The following ANXA4 variants were observed in gnomAD, a reference collection of about 807,000 sequenced individuals.
The protein encoded by ANXA4 is 35-beta calcimedin.
In ANXA4, 39 loss-of-function variants were observed where a neutral mutation model predicts 49.8. That is an observed-to-expected ratio of 0.78 (90% CI 0.61 to 1.02). The LOEUF (loss-of-function observed/expected upper bound fraction) is 1.02, where lower values mean the gene tolerates loss of function less well. Ranked by LOEUF, ANXA4 falls within the 50% of genes least tolerant of loss-of-function variation. ANXA4 has a pLI of 0.00. For missense variants in ANXA4, 360 were observed against 410.1 expected, an observed-to-expected ratio of 0.88 and a Z score of 1.05; for synonymous variants, 134 against 152.5, an observed-to-expected ratio of 0.88 and a Z score of 0.89.
chr2:69,651,171 T>G (rs1453954743), intron 1 of ANXA4, among the ~76,000 whole-genome samples: 1 of 152,176 alleles, frequency 6.6e-6, no homozygotes, highest in Non-Finnish European at 1.5e-5. Context: ...TACCATGTAC[T>G]AAACAATATG....
chr2:69,701,559 T>C (rs1052657355), intron 2 of ANXA4, among the ~76,000 whole-genome samples: 10 of 152,248 alleles, frequency 6.6e-5, no homozygotes, highest in Non-Finnish European at 1.5e-4. Context: ...TAAGGCTGAA[T>C]AGTATTATAT....
rs1262957412 is a variant in ANXA4 at position 69,660,923 on chromosome 2, G to C, written n.766+7641G>C. 2.0e-5 allele frequency among the ~76,000 whole-genome samples: 3 copies of C among 152,194 alleles called. No homozygotes were observed. The East Asian group carries it at 5.8e-4, about 29-fold the overall frequency. On this transcript the variant is annotated intron_variant and non_coding_transcript_variant, in intron 2 of 3. Transcript: ENST00000418066. ...CTGAGAATGTCCAGGACTGAAAAAA[G>C]ATGTAACTCTTCAGATTCCAGAAGC...
chr2:69,717,949 A>C (rs1162677091), intron 2 of ANXA4, among the ~76,000 whole-genome samples: 1 of 152,332 alleles, frequency 6.6e-6, no homozygotes, highest in African/African-American at 2.4e-5. Context: ...TAAAAGGAAT[A>C]GTTTTAATGG....
intron 12 of ANXA4, among the ~76,000 whole-genome samples, chr2:69,823,973 G>A (rs1373944890): frequency 6.6e-6 from 1 of 152,074 alleles, no homozygotes; most frequent in Non-Finnish European, 1.5e-5. Flanking sequence ...CAGCATTCTG[G>A]GAAGCTGAGG....
In ANXA4 at chr2:69,819,279, G is replaced by A; in HGVS notation, c.725-1G>A. The A allele has an allele frequency of 6.3e-7, 1 of 1,596,134 alleles. No homozygotes were observed. The highest frequency in any genetic ancestry group is 8.5e-7 in the Non-Finnish European group (1 of 1,170,106). ...ATTTCTTCTTTTTTTTTCTTTGACA[G>A]TAAAGTGCATGAGGAACAAATCTGC... On this transcript the variant is annotated splice_acceptor_variant, in intron 10 of 12. Transcript: ENST00000394295. LOFTEE classifies it high-confidence loss of function.
chr2:69,771,006 A>G (rs1671689237), intron 1 of ANXA4, among the ~76,000 whole-genome samples: 1 of 147,484 alleles, frequency 6.8e-6, no homozygotes, highest in Non-Finnish European at 1.5e-5. Context: ...AGGCGGCAGG[A>G]TCTCTTGAGC....
intron 2 of ANXA4, among the ~76,000 whole-genome samples, chr2:69,691,988 C>T (rs542324900): frequency 2.0e-5 from 3 of 152,266 alleles, no homozygotes; most frequent in African/African-American, 7.2e-5. Flanking sequence ...CGGGTTCAAA[C>T]GATTCTCCCG....
intron 7 of ANXA4, 40 bp from the exon 8 acceptor site, chr2:69,812,613 T>C: frequency 6.4e-7 from 1 of 1,565,482 alleles, no homozygotes; most frequent in Non-Finnish European, 8.8e-7. Flanking sequence ...TCTTCATGTA[T>C]ACTCTCGAAT....
At chr2:69,676,405 C>G (rs1677415877) in intron 2 of ANXA4, among the ~76,000 whole-genome samples, 1 of 152,074 alleles carries the variant, frequency 6.6e-6, no homozygotes, top group Admixed American at 6.5e-5. Flanking sequence ...AAAACCTAGG[C>G]AATGTCTACT....
chr2:69,730,700 A>G (rs779795501), intron 3 of ANXA4, among the ~76,000 whole-genome samples: 1 of 152,228 alleles, frequency 6.6e-6, no homozygotes, highest in African/African-American at 2.4e-5. Context: ...TCATGCTGCC[A>G]GCTGCACTGT....
chr2:69,803,265 C>T (rs1673297610), intron 3 of ANXA4: 1 of 151,998 alleles, frequency 6.6e-6, no homozygotes, highest in Non-Finnish European at 1.5e-5. Context: ...GCTTCCTCTC[C>T]ACACCTCACA....
intron 2 of ANXA4, among the ~76,000 whole-genome samples, chr2:69,713,410 G>T (rs1678744764): frequency 6.6e-6 from 1 of 152,102 alleles, no homozygotes; most frequent in African/African-American, 2.4e-5. Context: ...TGGTGTGCTG[G>T]TAAATGTTTA....
chr2:69,702,681 C>A (rs536164442), intron 2 of ANXA4, among the ~76,000 whole-genome samples: 61 of 152,232 alleles, frequency 4.0e-4, no homozygotes, highest in African/African-American at 1.4e-3. Context: ...CCACTGTACT[C>A]CAGCCTGGGT....
intron 3 of ANXA4, among the ~76,000 whole-genome samples, chr2:69,725,614 C>T (rs994694715): frequency 2.0e-5 from 3 of 152,040 alleles, no homozygotes; most frequent in Non-Finnish European, 4.4e-5. Flanking sequence ...GCTGGTACAT[C>T]GTCTTGTCCA....
intron 3 of ANXA4, among the ~76,000 whole-genome samples, chr2:69,726,867 A>G (rs1669974635): frequency 6.6e-6 from 1 of 152,102 alleles, no homozygotes; most frequent in Non-Finnish European, 1.5e-5. Flanking sequence ...GCCACGGTCT[A>G]TTCATTTCAC....
rs757847732 is a variant in ANXA4, at chr2:69,807,923, G to C, written c.324G>C (p.Glu108Asp). The change falls in exon 6 of 13, where the codon GAG becomes GAC. Residue 108 changes from glutamate (E) to aspartate (D), a missense_variant. By Grantham distance (45) the Glu-to-Asp change is conservative. Transcript: ENST00000394295. ...RRAMKGAGTDEGCLIEILASR... is the reference protein window; with the variant it reads ...RRAMKGAGTDDGCLIEILASR... ...TTGTTTAGGGAGCCGGCACTGATGAGGGCTGCCTAATTGAGATCCTGGCCT... is the reference window on the plus strand; with the variant it reads ...TTGTTTAGGGAGCCGGCACTGATGACGGCTGCCTAATTGAGATCCTGGCCT... 6.2e-7 allele frequency: 1 copy of C among 1,614,066 alleles called. No individual in the cohort carries two copies. The highest frequency in any genetic ancestry group is 1.1e-5 in the South Asian group (1 of 91,078).
intron 1 of ANXA4, chr2:69,781,220 T>C: frequency 2.6e-6 from 1 of 379,136 alleles, no homozygotes; most frequent in Non-Finnish European, 4.9e-6. Flanking sequence ...TGTGTCCAGC[T>C]TGAGTACAAG....
chr2:69,693,543 A>G (rs1478982873), intron 2 of ANXA4, among the ~76,000 whole-genome samples: 1 of 152,152 alleles, frequency 6.6e-6, no homozygotes, highest in African/African-American at 2.4e-5. Flanking sequence ...CTGCAGGAAC[A>G]TGCAGCATGT....
intron 3 of ANXA4, among the ~76,000 whole-genome samples, chr2:69,789,040 C>T (rs1672555695): frequency 1.3e-5 from 2 of 152,048 alleles, no homozygotes; most frequent in Non-Finnish European, 1.5e-5. Flanking sequence ...ATTGTTTAAA[C>T]CTGCTTTGAA....
Sources: gnomAD v4.1 joint callset for allele counts (sites outside exome capture counted in the v4.1 genomes callset) on GRCh38, gnomAD v4.1.1 for gene constraint, MANE v1.5 for transcripts, NCBI Gene and HGNC (gene_info 2026-07-23, HGNC 2026-07-21) for gene names.